TENM4: variants seen among roughly 807,000 people sequenced by gnomAD.
TENM4 encodes the protein teneurin transmembrane protein 4.
TENM4 carries 82 observed loss-of-function variants against 243.3 expected under a neutral mutation model. The observed-to-expected ratio is 0.34, with a 90% CI of 0.28 to 0.40. The LOEUF (loss-of-function observed/expected upper bound fraction) is 0.40. Among genes scored for constraint, TENM4 ranks in the 10% least tolerant of loss-of-function variants. The pLI, the probability that TENM4 is intolerant of heterozygous loss-of-function variation, is 1.00. For missense variants in TENM4, 3,138 were observed against 3,673.3 expected (o/e 0.85, Z 3.77); for synonymous variants, 1,412 against 1,456.3 (o/e 0.97, Z 0.69).
At chr11:79,184,443 G>A (rs541880966) in intron 3 of TENM4, among the ~76,000 whole-genome samples, 1 of 152,026 alleles carries the variant, frequency 6.6e-6, no homozygotes, top group Non-Finnish European at 1.5e-5. Context: ...AGGAGGCAGA[G>A]CTCAGGCAGT....
intron 3 of TENM4, chr11:79,191,477 C>A (rs1213068581): frequency 1.3e-5 from 2 of 152,498 alleles, no homozygotes; most frequent in Non-Finnish European, 2.8e-5. Context: ...CGGCTCGCTA[C>A]GGCCTCCACC....
At chr11:78,671,356 C>T (rs1466013804) in intron 31 of TENM4, among the ~76,000 whole-genome samples, 1 of 152,158 alleles carries the variant, frequency 6.6e-6, no homozygotes, top group Non-Finnish European at 1.5e-5. Flanking sequence ...AGAGGAGACC[C>T]ACCTCAGAGC....
At chr11:78,805,948 G>C (rs1857380163) in intron 14 of TENM4, among the ~76,000 whole-genome samples, 1 of 151,990 alleles carries the variant, frequency 6.6e-6, no homozygotes, top group South Asian at 2.1e-4. Flanking sequence ...AATTCCATTA[G>C]ATTTTATCAT....
chr11:79,204,268 T>C (rs1590791867), intron 3 of TENM4, among the ~76,000 whole-genome samples: 1 of 152,324 alleles, frequency 6.6e-6, no homozygotes, highest in Non-Finnish European at 1.5e-5. Context: ...TGTATGTATA[T>C]GTCAATTATG....
chr11:79,087,581 G>A (rs781527790), intron 4 of TENM4, among the ~76,000 whole-genome samples: 19 of 152,304 alleles, frequency 1.2e-4, no homozygotes, highest in Admixed American at 3.3e-4. Flanking sequence ...ACACAGAAGC[G>A]CTGAAAAGAT....
chr11:78,792,720 ACT>A (rs1172603466), intron 15 of TENM4, among the ~76,000 whole-genome samples: 4 of 151,824 alleles, frequency 2.6e-5, no homozygotes, highest in Non-Finnish European at 4.4e-5. Flanking sequence ...GGTTGATGCG[ACT>A]CTATCTCAGT....
In TENM4 at chr11:79,059,730, A is replaced by G. The variant is rs191899946; in HGVS notation, c.493+5008T>C. On this transcript the variant is annotated intron_variant, in intron 6 of 33. Transcript: ENST00000278550. ...TATCCCAAACTGAAAATCTGTACCC[A>G]TTAAACAATAACTCCCCAACAGCCT... Among the ~76,000 whole-genome samples, 828 of 152,302 alleles carry G rather than the reference A, an allele frequency of 5.4e-3. 2 individuals carry two copies. The highest frequency in any genetic ancestry group is 0.024 in the Middle Eastern group (7 of 294).
intron 3 of TENM4, among the ~76,000 whole-genome samples, chr11:79,173,893 ATGT>A (rs1863103748): frequency 6.6e-6 from 1 of 152,230 alleles, no homozygotes; most frequent in South Asian, 2.1e-4. Flanking sequence ...CACGAAGGGA[ATGT>A]TGTCATTTGT....
chr11:79,280,142 G>C (rs973780475), intron 2 of TENM4, among the ~76,000 whole-genome samples: 1 of 152,166 alleles, frequency 6.6e-6, no homozygotes, highest in African/African-American at 2.4e-5. Context: ...AAATAAATTT[G>C]TTCTTTATAA....
At chr11:79,132,202 C>T (rs1862018098) in intron 4 of TENM4, among the ~76,000 whole-genome samples, 1 of 151,306 alleles carries the variant, frequency 6.6e-6, no homozygotes. Context: ...AAAAATGAGC[C>T]GGGCGCGGTG....
intron 9 of TENM4, among the ~76,000 whole-genome samples, chr11:78,877,153 G>A (rs944950558): frequency 1.3e-5 from 2 of 152,192 alleles, no homozygotes; most frequent in African/African-American, 2.4e-5. Context: ...TTAGAAGGAT[G>A]AAGCTGTTTA....
chr11:79,437,752 C>T (rs1379579122), intron 1 of TENM4, among the ~76,000 whole-genome samples: 1 of 152,184 alleles, frequency 6.6e-6, no homozygotes, highest in African/African-American at 2.4e-5. Context: ...CGTCCCCTCC[C>T]CCTCTGCGGT....
chr11:78,700,901 CT>C (rs1187263787), intron 28 of TENM4, among the ~76,000 whole-genome samples: 1 of 152,128 alleles, frequency 6.6e-6, no homozygotes, highest in African/African-American at 2.4e-5. Flanking sequence ...TTCCTGAAAG[CT>C]CTCTTCATAT....
At chr11:79,297,653 C>T (rs1202698527) in intron 1 of TENM4, 110 bp from the exon 2 acceptor site, 1 of 152,432 alleles carries the variant, frequency 6.6e-6, no homozygotes, top group African/African-American at 2.4e-5. Context: ...TTCCAGGTAA[C>T]TGGGAAAACT....
chr11:79,384,901 G>T (rs1858077154), intron 1 of TENM4, among the ~76,000 whole-genome samples: 1 of 80,920 alleles, frequency 1.2e-5, no homozygotes, highest in Non-Finnish European at 2.6e-5. Context: ...ACTCCAGCCT[G>T]GGCAACAGAG....
At chr11:79,098,828 A>G (rs1368318988) in intron 4 of TENM4, among the ~76,000 whole-genome samples, 1 of 152,178 alleles carries the variant, frequency 6.6e-6, no homozygotes, top group Non-Finnish European at 1.5e-5. Flanking sequence ...TCAGTGTGAA[A>G]GGAACGTGGT....
At chr11:79,230,016 A>G (rs1342813789) in intron 2 of TENM4, among the ~76,000 whole-genome samples, 2 of 126,378 alleles carry the variant, frequency 1.6e-5, no homozygotes, top group South Asian at 2.5e-4. Context: ...TTTTTTTTGT[A>G]GTAGAGACTG....
At chr11:78,908,264 T>C (rs547395781) in intron 6 of TENM4, among the ~76,000 whole-genome samples, 19 of 152,340 alleles carry the variant, frequency 1.2e-4, no homozygotes, top group African/African-American at 4.3e-4. Context: ...ACTTACTTTC[T>C]CTGGAGCTTT....
chr11:79,140,105 C>T (rs1257616209), intron 4 of TENM4, among the ~76,000 whole-genome samples: 6 of 151,806 alleles, frequency 4.0e-5, no homozygotes. Context: ...TCTGGATCGT[C>T]TCCCATCTCT....
Sources: allele counts gnomAD v4.1 joint callset (sites outside exome capture counted in the v4.1 genomes callset), GRCh38; gene constraint gnomAD v4.1.1; transcripts MANE v1.5; gene names NCBI Gene and HGNC (gene_info 2026-07-23, HGNC 2026-07-21).